Variants in CNTN5 observed in about 807,000 individuals in gnomAD.
The protein encoded by CNTN5 is contactin-5.
In CNTN5, 77 loss-of-function variants were observed where a neutral mutation model predicts 129.1. The ratio of observed to expected loss-of-function variants is 0.60; its 90% confidence interval spans 0.50 to 0.72. The LOEUF (loss-of-function observed/expected upper bound fraction) is 0.72, where lower values mean the gene tolerates loss of function less well. Among genes scored for constraint, CNTN5 ranks in the 30% least tolerant of loss-of-function variants. The pLI is 0.00. For synonymous variants in CNTN5, 509 were observed against 465.6 expected (o/e 1.09, Z -1.20); for missense variants, 1,478 against 1,328.8 (o/e 1.11, Z -1.75).
intron 3 of CNTN5, among the ~76,000 whole-genome samples, chr11:99,578,926 T>A (rs1468487347): frequency 2.6e-5 from 4 of 152,116 alleles, no homozygotes; most frequent in Non-Finnish European, 4.4e-5. Context: ...CTGAATGGTA[T>A]TGCCTAGGTT....
chr11:99,793,303 C>T (rs1406522574), intron 3 of CNTN5, among the ~76,000 whole-genome samples: 2 of 152,204 alleles, frequency 1.3e-5, no homozygotes, highest in Non-Finnish European at 2.9e-5. Context: ...TCGTGATCCA[C>T]CTGCCTCGGC....
At chr11:99,130,267 A>G (rs1316697399) in intron 1 of CNTN5, among the ~76,000 whole-genome samples, 1 of 152,212 alleles carries the variant, frequency 6.6e-6, no homozygotes, top group African/African-American at 2.4e-5. Context: ...AGATGGAGGG[A>G]GATTTACCAA....
intron 3 of CNTN5, among the ~76,000 whole-genome samples, chr11:99,667,160 G>GT (rs1302813283): frequency 6.6e-6 from 1 of 151,696 alleles, no homozygotes; most frequent in Non-Finnish European, 1.5e-5. Context: ...AATCATAGTT[G>GT]TTTTTTTAAA....
At chr11:100,115,519 G>A (rs1945814703) in intron 13 of CNTN5, among the ~76,000 whole-genome samples, 2 of 152,012 alleles carry the variant, frequency 1.3e-5, no homozygotes, top group African/African-American at 4.8e-5. Context: ...GTTTCCTGGA[G>A]TGTTATGGAG....
chr11:99,153,455 C>A (rs1419548064), intron 1 of CNTN5, among the ~76,000 whole-genome samples: 2 of 148,944 alleles, frequency 1.3e-5, no homozygotes, highest in African/African-American at 4.9e-5. Flanking sequence ...ACTATAATAT[C>A]CTTGAAGTGA....
intron 13 of CNTN5, among the ~76,000 whole-genome samples, chr11:100,160,870 T>G (rs1947424238): frequency 6.6e-6 from 1 of 151,852 alleles, no homozygotes; most frequent in Non-Finnish European, 1.5e-5. Context: ...CTCCCTAATA[T>G]GTAACTAAGA....
In CNTN5 at chr11:100,168,594, T is replaced by C. The variant is rs553258496; in HGVS notation, c.1581-22532T>C. Among the ~76,000 whole-genome samples, 89 of 152,114 alleles carry C rather than the reference T, an allele frequency of 5.9e-4. 1 individual carries two copies. The highest frequency in any genetic ancestry group is 2.0e-3 in the African/African-American group (85 of 41,556). ...GCTCAGAATAAGATTCCTTTCAAAATGTTACCACTCATTGACAATGCACCT... is the reference window on the plus strand; with the variant it reads ...GCTCAGAATAAGATTCCTTTCAAAACGTTACCACTCATTGACAATGCACCT... On this transcript the variant is annotated intron_variant, in intron 13 of 24. Coordinates refer to ENST00000524871, the MANE Select transcript of CNTN5 (RefSeq NM_014361.4).
chr11:99,311,604 C>T lies in CNTN5; in HGVS notation c.-209-13742C>T, dbSNP rs1292346219. Among the ~76,000 whole-genome samples, 7 of 152,144 alleles carry T rather than the reference C, an allele frequency of 4.6e-5. No homozygotes were observed. In the East Asian group the frequency reaches 1.3e-3, roughly 29 times the overall value. On this transcript the variant is annotated intron_variant, in intron 1 of 24. Coordinates refer to ENST00000524871, the MANE Select transcript of CNTN5 (RefSeq NM_014361.4). ...TGCTCCAGTGTTATTAAACCAAATGCTCTTACTTTGACCTTTGCCAAAGGT... is the reference window on the plus strand; with the variant it reads ...TGCTCCAGTGTTATTAAACCAAATGTTCTTACTTTGACCTTTGCCAAAGGT...
chr11:99,339,606 C>T (rs1193001152), intron 2 of CNTN5, among the ~76,000 whole-genome samples: 2 of 151,838 alleles, frequency 1.3e-5, no homozygotes. Context: ...AGTGAAACCC[C>T]GTCTCTACTA....
Position 99,742,813 on chromosome 11 carries a change from T to C in CNTN5, c.56-76731T>C, listed in dbSNP as rs545307594. Among the ~76,000 whole-genome samples the C allele has an allele frequency of 6.4e-4, 98 of 152,310 alleles. 1 individual carries two copies. Among genetic ancestry groups the C allele is most frequent in the African/African-American group, 2.2e-3 (92 of 41,582 alleles). ...GTTACTATAATCTAATTGAATCTCT[T>C]CATGTAGATCATTCTAGAAAATATT... On this transcript the variant is annotated intron_variant, in intron 3 of 24. Transcript: ENST00000524871.
At chr11:100,015,797 A>G (rs1048460187) in intron 9 of CNTN5, among the ~76,000 whole-genome samples, 15 of 152,228 alleles carry the variant, frequency 9.9e-5, no homozygotes, top group African/African-American at 3.6e-4. Context: ...CTTTTTTTAA[A>G]ATTAATTACA....
At chr11:99,976,888 T>C (rs1565745466) in intron 8 of CNTN5, among the ~76,000 whole-genome samples, 1 of 152,172 alleles carries the variant, frequency 6.6e-6, no homozygotes, top group Non-Finnish European at 1.5e-5. Context: ...TCCCAGAAAA[T>C]GGGTTTTTCT....
At chr11:99,597,544 T>G (rs997444055) in intron 3 of CNTN5, among the ~76,000 whole-genome samples, 1 of 152,142 alleles carries the variant, frequency 6.6e-6, no homozygotes, top group Non-Finnish European at 1.5e-5. Flanking sequence ...GTTTGTTTAG[T>G]GTGTGCTCAG....
chr11:99,770,015 G>A (rs1023842917), intron 3 of CNTN5, among the ~76,000 whole-genome samples: 5 of 152,016 alleles, frequency 3.3e-5, no homozygotes, highest in African/African-American at 1.2e-4. Flanking sequence ...CACAATATCA[G>A]TATCACTACC....
At chr11:100,328,521 G>A (rs1364488924) in intron 21 of CNTN5, among the ~76,000 whole-genome samples, 3 of 152,190 alleles carry the variant, frequency 2.0e-5, no homozygotes, top group African/African-American at 7.2e-5. Flanking sequence ...TGGCAGGAAG[G>A]CAAAGGAGAA....
intron 2 of CNTN5, among the ~76,000 whole-genome samples, chr11:99,457,165 C>T (rs1056734139): frequency 1.9e-4 from 29 of 151,682 alleles, no homozygotes; most frequent in African/African-American, 7.0e-4. Flanking sequence ...GTCATTATTC[C>T]ACCAATTTGA....
chr11:99,846,213 C>T (rs1280483896), intron 6 of CNTN5, among the ~76,000 whole-genome samples: 1 of 149,508 alleles, frequency 6.7e-6, no homozygotes, highest in Non-Finnish European at 1.5e-5. Context: ...TGAAAATTAG[C>T]CAGGTGAGGC....
intron 2 of CNTN5, among the ~76,000 whole-genome samples, chr11:99,444,955 C>T (rs184731498): frequency 1.3e-4 from 19 of 150,894 alleles, no homozygotes; most frequent in Admixed American, 4.6e-4. Context: ...AAAATTTAAT[C>T]GGGAAACAAT....
intron 1 of CNTN5, among the ~76,000 whole-genome samples, chr11:99,316,075 G>A (rs2135983500): frequency 6.6e-6 from 1 of 151,950 alleles, no homozygotes; most frequent in Non-Finnish European, 1.5e-5. Flanking sequence ...TTTGTTTCTA[G>A]AGGAACCATT....
Sources: gnomAD v4.1 joint callset for allele counts (sites outside exome capture counted in the v4.1 genomes callset) on GRCh38, gnomAD v4.1.1 for gene constraint, MANE v1.5 for transcripts, NCBI Gene and HGNC (gene_info 2026-07-23, HGNC 2026-07-21) for gene names.